The following LRMDA variants were observed in gnomAD, a reference collection of about 807,000 sequenced individuals.
LRMDA encodes leucine-rich melanocyte differentiation-associated protein.
In LRMDA, 18 loss-of-function variants were observed where a neutral mutation model predicts 29.8. The ratio of observed to expected loss-of-function variants is 0.60; its 90% CI spans 0.42 to 0.90. The LOEUF (loss-of-function observed/expected upper bound fraction) is 0.90. Among genes scored for constraint, LRMDA ranks in the 40% least tolerant of loss-of-function variants. The probability of loss-of-function intolerance (pLI) is 0.00; values close to 1 mark genes in which losing one functional copy is unlikely to be tolerated. For missense variants in LRMDA, 273 were observed against 273.9 expected, an observed-to-expected ratio of 1.00 and a Z score of 0.02; for synonymous variants, 125 against 109.4, an observed-to-expected ratio of 1.14 and a Z score of -0.89.
chr10:76,330,018 G>A (rs998887563), intron 6 of LRMDA, among the ~76,000 whole-genome samples: 1 of 152,182 alleles, frequency 6.6e-6, no homozygotes, highest in Admixed American at 6.5e-5. Context: ...AAAAATGTTT[G>A]GGATGGGGAG....
intron 6 of LRMDA, among the ~76,000 whole-genome samples, chr10:76,549,903 T>G (rs966924428): frequency 2.0e-5 from 3 of 152,178 alleles, no homozygotes; most frequent in Non-Finnish European, 4.4e-5. Context: ...CTACACACAA[T>G]AAAATTTGTT....
chr10:76,545,472 T>A (rs1266933305), intron 6 of LRMDA, among the ~76,000 whole-genome samples: 1 of 151,848 alleles, frequency 6.6e-6, no homozygotes, highest in Admixed American at 6.6e-5. Flanking sequence ...TTCTGTGAAA[T>A]TTTTCCTGCA....
intron 6 of LRMDA, among the ~76,000 whole-genome samples, chr10:76,378,094 T>C (rs1841543985): frequency 6.6e-6 from 1 of 152,172 alleles, no homozygotes; most frequent in South Asian, 2.1e-4. Context: ...TTGTTAGAGA[T>C]CTTTTACCTT....
intron 5 of LRMDA, among the ~76,000 whole-genome samples, chr10:76,207,636 G>A (rs1444155071): frequency 6.6e-6 from 1 of 151,988 alleles, no homozygotes; most frequent in East Asian, 1.9e-4. Context: ...GGATCATCTC[G>A]CCTTTTCCAC....
At chr10:75,738,836 G>A (rs1451343275) in intron 2 of LRMDA, among the ~76,000 whole-genome samples, 1 of 152,176 alleles carries the variant, frequency 6.6e-6, no homozygotes, top group African/African-American at 2.4e-5. Flanking sequence ...CCTTCCTGAG[G>A]AGACAGTTTT....
At chr10:75,890,633 T>C (rs1451396950) in intron 2 of LRMDA, among the ~76,000 whole-genome samples, 1 of 152,122 alleles carries the variant, frequency 6.6e-6, no homozygotes, top group Non-Finnish European at 1.5e-5. Flanking sequence ...GTCATGATGA[T>C]AGTGAAGAGG....
chr10:76,204,645 T>G (rs187888701), intron 5 of LRMDA, among the ~76,000 whole-genome samples: 141 of 152,352 alleles, frequency 9.3e-4, no homozygotes, highest in Non-Finnish European at 5.7e-4. Flanking sequence ...CCAGGGCTCT[T>G]TCCCTAAGAT....
At chr10:76,002,198 C>T (rs575697810) in intron 2 of LRMDA, among the ~76,000 whole-genome samples, 1 of 152,322 alleles carries the variant, frequency 6.6e-6, no homozygotes, top group South Asian at 2.1e-4. Flanking sequence ...GTTCACTCTT[C>T]TTCTGAGGGC....
intron 2 of LRMDA, among the ~76,000 whole-genome samples, chr10:75,830,626 G>T (rs1177521390): frequency 6.6e-6 from 1 of 152,118 alleles, no homozygotes; most frequent in Non-Finnish European, 1.5e-5. Flanking sequence ...AGAACAATAT[G>T]GGAAAGACCT....
At chr10:75,958,767 C>T (rs773009592) in intron 2 of LRMDA, among the ~76,000 whole-genome samples, 3 of 152,066 alleles carry the variant, frequency 2.0e-5, no homozygotes, top group Non-Finnish European at 2.9e-5. Context: ...ACCCGAGACT[C>T]GGTAATTTAT....
intron 6 of LRMDA, among the ~76,000 whole-genome samples, chr10:76,458,992 G>A (rs1340415409): frequency 1.3e-5 from 2 of 151,970 alleles, no homozygotes; most frequent in East Asian, 1.9e-4. Flanking sequence ...AAAATGTGAC[G>A]GTTTTTCTCA....
At chr10:76,352,193 A>C (rs1841185196) in intron 6 of LRMDA, among the ~76,000 whole-genome samples, 1 of 152,170 alleles carries the variant, frequency 6.6e-6, no homozygotes, top group Non-Finnish European at 1.5e-5. Flanking sequence ...ATCCCAGTGG[A>C]TGCCTGAAAC....
intron 2 of LRMDA, among the ~76,000 whole-genome samples, chr10:75,933,677 C>G (rs555279556): frequency 2.6e-5 from 4 of 152,196 alleles, no homozygotes; most frequent in Admixed American, 2.6e-4. Flanking sequence ...AATAGCTTCA[C>G]AAGTTATATG....
At chr10:76,358,209 C>T (rs1841266388) in intron 6 of LRMDA, among the ~76,000 whole-genome samples, 2 of 152,194 alleles carry the variant, frequency 1.3e-5, no homozygotes, top group African/African-American at 4.8e-5. Context: ...AAGGCTCTGG[C>T]AGTCCTCGTA....
intron 2 of LRMDA, among the ~76,000 whole-genome samples, chr10:75,593,811 C>A (rs1479954806): frequency 6.6e-6 from 1 of 151,346 alleles, no homozygotes; most frequent in Admixed American, 6.6e-5. Flanking sequence ...CCCTTGGGGG[C>A]GCCAGACAAG....
At chr10:75,544,586 G>T (rs1371948521) in intron 2 of LRMDA, among the ~76,000 whole-genome samples, 1 of 152,150 alleles carries the variant, frequency 6.6e-6, no homozygotes, top group African/African-American at 2.4e-5. Context: ...CTGTCAAAGA[G>T]TTGGCCCTCC....
chr10:75,794,422 G>C (rs1028924274), intron 2 of LRMDA, among the ~76,000 whole-genome samples: 2 of 151,668 alleles, frequency 1.3e-5, no homozygotes, highest in African/African-American at 4.8e-5. Context: ...TGTAGATCTA[G>C]ATTTTTATTT....
At chr10:75,783,727 A>G (rs1319226420) in intron 2 of LRMDA, among the ~76,000 whole-genome samples, 1 of 152,146 alleles carries the variant, frequency 6.6e-6, no homozygotes, top group East Asian at 1.9e-4. Flanking sequence ...TGCTTTTGGT[A>G]TTAAACAGAG....
In LRMDA at chr10:76,544,846, C is replaced by T. The variant is rs138997180; in HGVS notation, c.602-12363C>T. Among the ~76,000 whole-genome samples the T allele has an allele frequency of 4.1e-3, 629 of 152,162 alleles. 1 individual carries two copies. Among genetic ancestry groups the T allele is most frequent in the Middle Eastern group, 0.017 (5 of 294 alleles). ...ATTTGGCACTGGGATGAGCTAGTGT[C>T]CAAGAATTATGCTGTGCTTTCTGCA... On this transcript the variant is annotated intron_variant, in intron 6 of 6. Transcript: ENST00000611255.
Sources: gnomAD v4.1 joint callset for allele counts (sites outside exome capture counted in the v4.1 genomes callset) on GRCh38, gnomAD v4.1.1 for gene constraint, MANE v1.5 for transcripts, NCBI Gene and HGNC (gene_info 2026-07-23, HGNC 2026-07-21) for gene names.